The following AP3B1 variants were observed in gnomAD, a reference collection of about 807,000 sequenced individuals.
AP3B1 encodes adaptor related protein complex 3 subunit beta 1, also known as AP-3 complex subunit beta-1.
AP3B1 carries 61 observed loss-of-function variants against 132.5 expected under a neutral mutation model. The observed-to-expected ratio is 0.46, with a 90% confidence interval of 0.37 to 0.57. The LOEUF is 0.57. AP3B1 is among the 20% of genes least tolerant of loss of function. The pLI is 0.00. For synonymous variants in AP3B1, 388 were observed against 438.3 expected, an observed-to-expected ratio of 0.89 and a Z score of 1.43; for missense variants, 1,120 against 1,289.4, an observed-to-expected ratio of 0.87 and a Z score of 2.01.
intron 21 of AP3B1, among the ~76,000 whole-genome samples, chr5:78,099,997 A>G (rs550778246): frequency 6.6e-6 from 1 of 152,264 alleles, no homozygotes; most frequent in South Asian, 2.1e-4. Context: ...CCTATCAAAA[A>G]CATGTACTTC....
chr5:78,100,970 A>T lies in AP3B1; in HGVS notation c.2453T>A (p.Leu818His), dbSNP rs1462218544. The T allele has an allele frequency of 5.8e-6, 9 of 1,554,184 alleles. No individual in the cohort carries two copies. Among genetic ancestry groups the T allele is most frequent in the Non-Finnish European group, 8.0e-6 (9 of 1,129,126 alleles). Residue 818 changes from leucine to histidine, a missense_variant, in exon 21 of 27, where the codon CTT becomes CAT. By Grantham distance (99) the Leu-to-His change is moderately conservative. This residue lies in a region of AP3B1 where 906 missense variants were observed against 997.1 expected (regional missense o/e 0.91). Transcript: ENST00000255194. ...ATACTTACAATCATCCAGATCTAGA[A>T]GTGAAACATCTTTGGTAAGAGGAGT... is the stretch of plus-strand genomic sequence containing the variant. ...DRTPLTKDVS[L>H]LDLDDFNPVS...
At chr5:78,267,450 T>C in intron 2 of AP3B1, 70 bp downstream of exon 2, 3 of 613,310 alleles carry the variant, frequency 4.9e-6, no homozygotes, top group Non-Finnish European at 7.8e-6. Context: ...TATTTTTATA[T>C]ATATATATAA....
intron 21 of AP3B1, among the ~76,000 whole-genome samples, chr5:78,096,772 C>G (rs1379474631): frequency 6.6e-6 from 1 of 151,614 alleles, no homozygotes; most frequent in Non-Finnish European, 1.5e-5. Flanking sequence ...CCCCTCCGCC[C>G]GGCAGCCGCC....
intron 22 of AP3B1, among the ~76,000 whole-genome samples, chr5:78,086,512 C>CT (rs1750261216): frequency 1.3e-5 from 2 of 152,162 alleles, no homozygotes; most frequent in African/African-American, 4.8e-5. Flanking sequence ...GCGCAGAACT[C>CT]TGACTTGAAC....
intron 20 of AP3B1, among the ~76,000 whole-genome samples, chr5:78,102,484 G>T (rs1323637127): frequency 6.6e-6 from 1 of 151,922 alleles, no homozygotes; most frequent in African/African-American, 2.4e-5. Flanking sequence ...AACAGTATTT[G>T]TCCCTCTCTC....
intron 11 of AP3B1, among the ~76,000 whole-genome samples, chr5:78,174,844 A>C (rs1322656111): frequency 6.6e-6 from 1 of 152,250 alleles, no homozygotes; most frequent in African/African-American, 2.4e-5. Context: ...CTATAGAGGC[A>C]GTAGGCCTTG....
intron 8 of AP3B1, among the ~76,000 whole-genome samples, chr5:78,177,895 T>TATA (rs1744215522): frequency 6.6e-6 from 1 of 152,212 alleles, no homozygotes; most frequent in Non-Finnish European, 1.5e-5. Flanking sequence ...CAATACTGAT[T>TATA]ATACCTTGAT....
At chr5:78,269,848 G>A (rs1748476359) in intron 1 of AP3B1, among the ~76,000 whole-genome samples, 1 of 151,960 alleles carries the variant, frequency 6.6e-6, no homozygotes, top group African/African-American at 2.4e-5. Flanking sequence ...TTTAAAAAGT[G>A]GGGCTTGTAT....
chr5:78,162,630 T>TA lies in AP3B1; in HGVS notation c.1363+188dup, dbSNP rs536131536. Reference sequence around the variant, plus strand: ...CCTGCTAGTTAATGGCCTATTTTACTAAAAAAAAAAGAACCCAGAATATGC... The same window carrying TA: ...CCTGCTAGTTAATGGCCTATTTTACTAAAAAAAAAAAGAACCCAGAATATGC... On this transcript the variant is annotated intron_variant, in intron 13 of 26. Coordinates refer to ENST00000255194, the MANE Select transcript of AP3B1 (RefSeq NM_003664.5). Among the ~76,000 whole-genome samples the TA allele has an allele frequency of 3.6e-3, 525 of 146,496 alleles. 1 individual carries two copies. Among genetic ancestry groups the TA allele is most frequent in the Middle Eastern group, 7.2e-3 (2 of 276 alleles).
At chr5:78,090,250 C>T (rs1403344224) in intron 21 of AP3B1, among the ~76,000 whole-genome samples, 1 of 152,194 alleles carries the variant, frequency 6.6e-6, no homozygotes, top group Non-Finnish European at 1.5e-5. Context: ...GCCACATATG[C>T]CTAACATACT....
At chr5:78,126,435 G>A (rs1457848856) in intron 17 of AP3B1, among the ~76,000 whole-genome samples, 1 of 144,240 alleles carries the variant, frequency 6.9e-6, no homozygotes, top group Non-Finnish European at 1.5e-5. Flanking sequence ...AACCTGGGAG[G>A]CAGAGCTTGC....
rs1336221311 is a variant in AP3B1 at position 78,202,564 on chromosome 5, T to A, written c.786+13491A>T. Among the ~76,000 whole-genome samples the A allele has an allele frequency of 3.3e-3, 459 of 137,228 alleles. 1 individual carries two copies. The highest frequency in any genetic ancestry group is 0.013 in the African/African-American group (437 of 33,398). The allele number at this position is 137,228 out of a possible 152,430, so 90.0% of individuals were successfully genotyped here. A position where few individuals can be genotyped will look rare whatever the true frequency, so the allele number is the denominator to read the frequency against. ...ATGCCATATATTCAGTGTGTGTGTG[T>A]GTGTGTGTGTGTGTGTGTGTGTGTG... On this transcript the variant is annotated intron_variant, in intron 7 of 26. Transcript: ENST00000255194.
chr5:78,285,667 T>TA (rs70997987), intron 1 of AP3B1, among the ~76,000 whole-genome samples: 81,744 of 151,544 alleles, frequency 0.54, 22,237 homozygotes, highest in Middle Eastern at 0.56. Flanking sequence ...TTTCCCCCTT[T>TA]AAAAAAAAAT....
intron 21 of AP3B1, among the ~76,000 whole-genome samples, chr5:78,092,881 T>C (rs565243517): frequency 3.3e-5 from 5 of 152,156 alleles, no homozygotes; most frequent in African/African-American, 1.2e-4. Context: ...AACTCCCAAC[T>C]TCAAGCAGTC....
chr5:78,208,067 CAGACAG>C (rs1200313988), intron 7 of AP3B1, among the ~76,000 whole-genome samples: 1 of 151,702 alleles, frequency 6.6e-6, no homozygotes, highest in Non-Finnish European at 1.5e-5. Flanking sequence ...AGGAGAGAGA[CAGACAG>C]AGACAGAGAC....
intron 17 of AP3B1, among the ~76,000 whole-genome samples, chr5:78,119,254 G>T (rs252774): frequency 6.6e-6 from 1 of 151,920 alleles, no homozygotes; most frequent in Non-Finnish European, 1.5e-5. Flanking sequence ...ACAGAGCAGA[G>T]AAACTGGAAA....
At chr5:78,044,646 G>A (rs1748243988) in intron 22 of AP3B1, among the ~76,000 whole-genome samples, 2 of 152,240 alleles carry the variant, frequency 1.3e-5, no homozygotes, top group Middle Eastern at 3.4e-3. Flanking sequence ...GGTTCACAGC[G>A]GCCAGGAATC....
intron 17 of AP3B1, among the ~76,000 whole-genome samples, chr5:78,116,629 A>G (rs529774222): frequency 1.3e-5 from 2 of 152,252 alleles, no homozygotes; most frequent in East Asian, 1.9e-4. Flanking sequence ...AAAAAAAGAA[A>G]GAAAAGAAAA....
intron 17 of AP3B1, among the ~76,000 whole-genome samples, chr5:78,117,989 G>C (rs1232244020): frequency 2.0e-5 from 3 of 152,174 alleles, no homozygotes; most frequent in Non-Finnish European, 4.4e-5. Context: ...TTGTAAAGGA[G>C]TCTACAGCAT....
Sources: gnomAD v4.1 joint callset for allele counts (sites outside exome capture counted in the v4.1 genomes callset) on GRCh38, gnomAD v4.1.1 for gene constraint, gnomAD v4.1.1 regional missense constraint, MANE v1.5 for transcripts, NCBI Gene and HGNC (gene_info 2026-07-23, HGNC 2026-07-21) for gene names.